MC2R: variants seen among roughly 807,000 people sequenced by gnomAD.
MC2R encodes adrenocorticotropic hormone receptor.
Under a neutral mutation model 9.8 loss-of-function variants are expected in MC2R, and 9 were observed. That is an observed-to-expected ratio of 0.92 (90% CI 0.55 to 1.60). The LOEUF is 1.60. Among genes scored for constraint, MC2R ranks in the 40% most tolerant of loss-of-function variants. The pLI is 0.00. For missense variants in MC2R, 370 were observed against 389.0 expected, an observed-to-expected ratio of 0.95 and a Z score of 0.41; for synonymous variants, 185 against 154.7, an observed-to-expected ratio of 1.20 and a Z score of -1.45.
intron 1 of MC2R, among the ~76,000 whole-genome samples, chr18:13,899,646 T>C (rs1302702388): frequency 6.6e-6 from 1 of 152,146 alleles, no homozygotes; most frequent in Non-Finnish European, 1.5e-5. Context: ...GGAGTTTCAA[T>C]ACACCTGGCT....
chr18:13,902,173 G>GA (rs368110181), intron 1 of MC2R, among the ~76,000 whole-genome samples: 1 of 152,004 alleles, frequency 6.6e-6, no homozygotes, highest in African/African-American at 2.4e-5. Context: ...CAATGATGCT[G>GA]AAAAAGCGTT....
chr18:13,885,037 GTCCC>G lies in MC2R; in HGVS notation c.478_481del (p.Gly160LeufsTer6). 2 of 1,614,194 alleles carry G rather than the reference GTCCC, an allele frequency of 1.2e-6. No individual in the cohort carries two copies. The highest frequency in any genetic ancestry group is 2.2e-5 in the South Asian group (2 of 91,086). On this transcript the variant is annotated frameshift_variant, in exon 2 of 2. Transcript: ENST00000327606. LOFTEE classifies it high-confidence loss of function. ...GGAGAAGATCACCATGGTGATGCCA[GTCCC>G]CGTGCAGAACGTCCAGATGACCGTA...
chr18:13,900,463 G>T (rs1416971190), intron 1 of MC2R, among the ~76,000 whole-genome samples: 1 of 152,032 alleles, frequency 6.6e-6, no homozygotes, highest in Non-Finnish European at 1.5e-5. Context: ...CAGAATGGCT[G>T]AATGGATGAA....
intron 1 of MC2R, among the ~76,000 whole-genome samples, chr18:13,905,876 T>G (rs939711393): frequency 5.9e-5 from 9 of 152,108 alleles, no homozygotes; most frequent in Non-Finnish European, 1.2e-4. Context: ...GCCAACATGG[T>G]GAAACCCCGT....
At position 13,884,649 on chromosome 18, in the gene MC2R, C is replaced by T; in HGVS notation, c.870G>A (p.Met290Ile). Residue 290 changes from methionine to isoleucine, a missense_variant, in exon 2 of 2, where the codon ATG becomes ATA. Physicochemically the swap from Met to Ile is conservative, Grantham distance 10 (BLOSUM62 1). Transcript: ENST00000327606. ...SPELRDAFKK[M>I]IFCSRYW ...TCTACCAGTACCTGCTGCAGAAGAT[C>T]ATCTTTTTGAATGCGTCCCTGAGCT... 2 of 1,613,352 alleles carry T rather than the reference C, an allele frequency of 1.2e-6. No homozygotes were observed. The highest frequency in any genetic ancestry group is 1.7e-6 in the Non-Finnish European group (2 of 1,180,036).
intron 1 of MC2R, among the ~76,000 whole-genome samples, chr18:13,900,788 A>G (rs1269324157): frequency 6.6e-6 from 1 of 152,168 alleles, no homozygotes; most frequent in Non-Finnish European, 1.5e-5. Context: ...AGGCCCCAAT[A>G]CAATAATAGC....
At chr18:13,910,108 T>C (rs1302646361) in intron 1 of MC2R, among the ~76,000 whole-genome samples, 2 of 152,242 alleles carry the variant, frequency 1.3e-5, no homozygotes, top group East Asian at 1.9e-4. Context: ...AGGAATAAGA[T>C]CTATGTTTAA....
rs558924106 is a variant in MC2R at position 13,884,265 on chromosome 18, C to T, written c.*360G>A. On this transcript the variant is annotated 3_prime_UTR_variant, in exon 2 of 2. Transcript: ENST00000327606. ...ACAGGAAAGCAAGTCTTTGCCTTAG[C>T]CCAAAGCCCTTGAATTTTTATTGCT... 5.8e-6 allele frequency: 2 copies of T among 343,390 alleles called. No homozygotes were observed. Among genetic ancestry groups the T allele is most frequent in the African/African-American group, 4.2e-5 (2 of 47,182 alleles). The allele number at this position is 343,390 out of a possible 1,614,324, so 21.3% of individuals were successfully genotyped here.
chr18:13,898,508 C>T (rs192278316), intron 1 of MC2R, among the ~76,000 whole-genome samples: 31 of 152,310 alleles, frequency 2.0e-4, no homozygotes, highest in Middle Eastern at 6.8e-3. Flanking sequence ...GATTGTAGAG[C>T]CCCAGGGCCT....
At chr18:13,899,902 G>A (rs951496880) in intron 1 of MC2R, among the ~76,000 whole-genome samples, 2 of 152,082 alleles carry the variant, frequency 1.3e-5, no homozygotes, top group Non-Finnish European at 2.9e-5. Flanking sequence ...TGAGCAATAA[G>A]TAATCACCTG....
At chr18:13,910,372 A>G (rs2045437572) in intron 1 of MC2R, among the ~76,000 whole-genome samples, 1 of 152,194 alleles carries the variant, frequency 6.6e-6, no homozygotes. Flanking sequence ...AAGGAGTGAC[A>G]GTCCTCTGAC....
intron 1 of MC2R, among the ~76,000 whole-genome samples, chr18:13,895,369 C>T (rs1179595927): frequency 1.3e-5 from 2 of 152,152 alleles, no homozygotes; most frequent in Non-Finnish European, 2.9e-5. Flanking sequence ...GAAAAATGGA[C>T]AGCCTTCACT....
At position 13,882,776 on chromosome 18, in the gene MC2R, G is replaced by T. The variant is rs910604479; in HGVS notation, c.*1849C>A. 2 of 152,218 alleles carry T rather than the reference G, an allele frequency of 1.3e-5. No individual in the cohort carries two copies. The highest frequency in any genetic ancestry group is 2.9e-5 in the Non-Finnish European group (2 of 68,044). The allele number at this position is 152,218 out of a possible 1,614,324, so 9.4% of individuals were successfully genotyped here. A position where few individuals can be genotyped will look rare whatever the true frequency, so the allele number is the denominator to read the frequency against. The stretch of plus-strand genomic sequence containing the variant: ...GTTATACATTACTTTTTCAATGGTA[G>T]AAATAACACTTTTAAAAATTAGTTC... On this transcript the variant is annotated 3_prime_UTR_variant, in exon 2 of 2. Transcript: ENST00000327606.
At chr18:13,907,790 C>G (rs1346937006) in intron 1 of MC2R, among the ~76,000 whole-genome samples, 2 of 152,254 alleles carry the variant, frequency 1.3e-5, no homozygotes, top group East Asian at 1.9e-4. Context: ...TTCAAAGCAT[C>G]ACTAATCATC....
At chr18:13,909,105 C>T (rs1598469233) in intron 1 of MC2R, among the ~76,000 whole-genome samples, 1 of 151,986 alleles carries the variant, frequency 6.6e-6, no homozygotes. Context: ...CATCATGTCT[C>T]CTTAGGCTTC....
rs34352644 is a variant in MC2R, at chr18:13,892,805, T to TACACAC, written c.-128-7165_-128-7160dup. ...AGAGATGGAGATAGACATAATCTGT[T>TACACAC]ACACACACACACACACACACACACA... On this transcript the variant is annotated intron_variant, in intron 1 of 1. Coordinates refer to ENST00000327606, the MANE Select transcript of MC2R (RefSeq NM_000529.2). Among the ~76,000 whole-genome samples the TACACAC allele has an allele frequency of 6.8e-3, 1,007 of 147,204 alleles. 15 individuals are homozygous for TACACAC. The highest frequency in any genetic ancestry group is 0.022 in the African/African-American group (858 of 39,500).
rs886053639 is a variant in MC2R, at chr18:13,883,627, A to ACACACTCT, written c.*997_*998insAGAGTGTG. 1 of 53,128 alleles carries ACACACTCT rather than the reference A, an allele frequency of 1.9e-5. No individual in the cohort carries two copies. The highest frequency in any genetic ancestry group is 5.7e-5 in the African/African-American group (1 of 17,594). 3.3% of individuals were successfully genotyped at this position (53,128 alleles called of 1,614,324 possible). ...CACACACACACACACACACACACAC[A>ACACACTCT]CTCTCTCTCTCTCTCTCTCTCTCTC... On this transcript the variant is annotated 3_prime_UTR_variant, in exon 2 of 2. Transcript: ENST00000327606.
chr18:13,908,914 T>C (rs765669617), intron 1 of MC2R, among the ~76,000 whole-genome samples: 8 of 152,362 alleles, frequency 5.3e-5, no homozygotes, highest in Middle Eastern at 3.4e-3. Flanking sequence ...ACACCCAGTT[T>C]AGCATCTTAC....
intron 1 of MC2R, among the ~76,000 whole-genome samples, chr18:13,889,462 A>G (rs1317962037): frequency 2.0e-5 from 3 of 152,122 alleles, no homozygotes; most frequent in Non-Finnish European, 4.4e-5. Context: ...CAATTGGGGT[A>G]GTTATAACTG....
Sources: gnomAD v4.1 joint callset for allele counts (sites outside exome capture counted in the v4.1 genomes callset) on GRCh38, gnomAD v4.1.1 for gene constraint, MANE v1.5 for transcripts, NCBI Gene and HGNC (gene_info 2026-07-23, HGNC 2026-07-21) for gene names.